The following ASPDH variants were observed in gnomAD, a reference collection of about 807,000 sequenced individuals.
The protein encoded by ASPDH is aspartate dehydrogenase domain containing.
A neutral mutation model predicts 30.5 loss-of-function variants in ASPDH; 25 were observed. The ratio of observed to expected loss-of-function variants is 0.82; its 90% confidence interval spans 0.60 to 1.14. The LOEUF (loss-of-function observed/expected upper bound fraction) is 1.14, where lower values mean the gene tolerates loss of function less well. ASPDH is among the 50% of genes most tolerant of loss of function. The pLI is 0.00. For synonymous variants in ASPDH, 168 were observed against 156.3 expected (o/e 1.07, Z -0.56); for missense variants, 401 against 381.5 (o/e 1.05, Z -0.43).
At chr19:50,511,804 CAG>C (rs1280807205) in intron 6 of ASPDH, 31 bp from the exon 7 acceptor site, 8 of 1,327,942 alleles carry the variant, frequency 6.0e-6, no homozygotes, top group Admixed American at 7.7e-5. Context: ...GCGAATGAGA[CAG>C]AGGAGAGATG....
At chr19:50,514,521 C>T, upstream of ASPDH, 1 of 1,614,158 alleles carries the variant, frequency 6.2e-7, no homozygotes, top group East Asian at 2.2e-5. Context: ...GTGCCACCAG[C>T]TGCCTCCAGT....
chr19:50,514,586 A>G, upstream of ASPDH: 1 of 1,611,928 alleles, frequency 6.2e-7, no homozygotes, highest in Non-Finnish European at 8.5e-7. Context: ...GCGTCAGCCC[A>G]GGAGAAGCCT....
In ASPDH at chr19:50,513,576, G is replaced by A. The variant is rs140723066; in HGVS notation, c.53-160C>T. Among the ~76,000 whole-genome samples, 30 of 151,928 alleles carry A rather than the reference G, an allele frequency of 2.0e-4. No individual in the cohort carries two copies. Among genetic ancestry groups the A allele is most frequent in the African/African-American group, 6.3e-4 (26 of 41,474 alleles). On this transcript the variant is annotated intron_variant, in intron 1 of 6. Transcript: ENST00000389208. The surrounding 1 kb of genome is among the most constrained non-coding windows in gnomAD (Gnocchi z 4.9). ...GATGGGGGCAGGGCAGAGACACAGT[G>A]GGGTGGACAGAGGCCCAGAGAGAAG...
chr19:50,513,516 GGGGACAGACTCAGATTGCGGGGTA>G lies in ASPDH; in HGVS notation c.53-124_53-101del, dbSNP rs1311229664. The G allele has an allele frequency of 1.6e-6, 2 of 1,265,966 alleles. No homozygotes were observed. The highest frequency in any genetic ancestry group is 3.0e-5 in the African/African-American group (2 of 65,824). 78.4% of individuals were successfully genotyped at this position (1,265,966 alleles called of 1,614,324 possible). Reference sequence around the variant, plus strand: ...ACAGAGACCCAGAGAGAGAGGAGGTGGGGACAGACTCAGATTGCGGGGTAGGGAGACAGAGATGGGGGCAGGGCA... The same window carrying G: ...ACAGAGACCCAGAGAGAGAGGAGGTGGGGAGACAGAGATGGGGGCAGGGCA... On this transcript the variant is annotated intron_variant, in intron 1 of 6. Transcript: ENST00000389208. The surrounding 1 kb of genome is among the most constrained non-coding windows in gnomAD (Gnocchi z 4.9).
At position 50,512,597 on chromosome 19, in the gene ASPDH, G is replaced by A. The variant is rs1222471441; in HGVS notation, c.433-17C>T. 7 of 1,516,268 alleles carry A rather than the reference G, an allele frequency of 4.6e-6. No homozygotes were observed. The highest frequency in any genetic ancestry group is 2.3e-5 in the East Asian group (1 of 43,528). The allele number at this position is 1,516,268 out of a possible 1,614,324, so 93.9% of individuals were successfully genotyped here. ...ACGAAGGCTCTGGAAGCAAGAGCCC[G>A]GGTTAGGGGGAGTGGGGTCTTTGCA... On this transcript the variant is annotated splice_polypyrimidine_tract_variant and intron_variant, in intron 4 of 6. Transcript: ENST00000389208.
chr19:50,513,112 G>T lies in ASPDH; in HGVS notation c.198-101C>A. Reference sequence around the variant, plus strand: ...ACTGAGGGCTGCCCTTCTTCTCCCTGACCTGGGAGGCGAAATGAGATGAAT... The same window carrying T: ...ACTGAGGGCTGCCCTTCTTCTCCCTTACCTGGGAGGCGAAATGAGATGAAT... On this transcript the variant is annotated intron_variant, in intron 2 of 6. Transcript: ENST00000389208. This position sits in a 1 kb window ranked among gnomAD's most constrained non-coding sequence, Gnocchi z 4.9. 7.7e-7 allele frequency: 1 copy of T among 1,298,508 alleles called. No individual in the cohort carries two copies. Among genetic ancestry groups the T allele is most frequent in the South Asian group, 1.4e-5 (1 of 70,140 alleles). 80.4% of individuals were successfully genotyped at this position (1,298,508 alleles called of 1,614,324 possible).
chr19:50,514,826 G>T, upstream of ASPDH: 1 of 1,287,128 alleles, frequency 7.8e-7, no homozygotes. Context: ...GGCACTGGGT[G>T]GCGAGAGCCC....
rs1304426163 is a variant in ASPDH, at chr19:50,513,825, G to T, written c.-2C>A. ...CCTCCACGGGCCCCTGTCGGCCATG[G>T]CCCTGAGTGCGGTGTCTGGGGCCTG... On this transcript the variant is annotated 5_prime_UTR_variant, in exon 1 of 7. Transcript: ENST00000389208. The surrounding 1 kb of genome is among the most constrained non-coding windows in gnomAD (Gnocchi z 4.9). 2.6e-6 allele frequency: 4 copies of T among 1,550,266 alleles called. No individual in the cohort carries two copies. Among genetic ancestry groups the T allele is most frequent in the Non-Finnish European group, 2.6e-6 (3 of 1,146,688 alleles).
At chr19:50,514,432 G>T, upstream of ASPDH, 1 of 1,612,900 alleles carries the variant, frequency 6.2e-7, no homozygotes, top group South Asian at 1.1e-5. Context: ...CACAGCCTCC[G>T]CCCCTGTCCA....
rs1167001609 is a variant in ASPDH, at chr19:50,512,779, G to A, written c.314C>T (p.Thr105Ile). 6.3e-7 allele frequency: 1 copy of A among 1,581,310 alleles called. No individual in the cohort carries two copies. Among genetic ancestry groups the A allele is most frequent in the East Asian group, 2.3e-5 (1 of 43,718 alleles). The change falls in exon 4 of 7, where the codon ACC (threonine) becomes ATC (isoleucine). Residue 105 changes from threonine to isoleucine, a missense_variant. Transcript: ENST00000389208. ...GGCCTCCAAGAGCTGCCGCTCTGTG[G>A]TCTGGTCACTTAGAGCTGAGGGGGA... ...VGSPSALSDQ[T>I]TERQLLEASQ...
rs953479517 is a variant in ASPDH, at chr19:50,511,867, G to A, written c.809-94C>T. The stretch of plus-strand genomic sequence containing the variant: ...GTGGTGGGAGGAGGGGACAGGGCAG[G>A]GGGGCGGTGGAGGAAGACCCGGAGA... On this transcript the variant is annotated intron_variant, in intron 6 of 6. Coordinates refer to ENST00000389208, the MANE Select transcript of ASPDH (RefSeq NM_001114598.2). 3.8e-5 allele frequency: 33 copies of A among 864,552 alleles called. 1 individual carries two copies. In the South Asian group the frequency reaches 7.2e-4, roughly 19 times the overall value. The allele number at this position is 864,552 out of a possible 1,614,324, so 53.6% of individuals were successfully genotyped here.
At position 50,513,845 on chromosome 19, in the gene ASPDH, G is replaced by T. The variant is rs576379216; in HGVS notation, c.-22C>A. On this transcript the variant is annotated 5_prime_UTR_variant, in exon 1 of 7. Coordinates refer to ENST00000389208, the MANE Select transcript of ASPDH (RefSeq NM_001114598.2). This position sits in a 1 kb window ranked among gnomAD's most constrained non-coding sequence, Gnocchi z 4.9. ...CCATGGCCCTGAGTGCGGTGTCTGG[G>T]GCCTGGCTCCCTGGGCTGCTCGCTG... is the stretch of plus-strand genomic sequence containing the variant. 1 of 1,548,546 alleles carries T rather than the reference G, an allele frequency of 6.5e-7. No individual in the cohort carries two copies. Among genetic ancestry groups the T allele is most frequent in the Admixed American group, 2.0e-5 (1 of 50,714 alleles).
At chr19:50,514,817 G>GGGGGGCGCC, upstream of ASPDH, 1 of 466,368 alleles carries the variant, frequency 2.1e-6, no homozygotes, top group Non-Finnish European at 3.3e-6. Flanking sequence ...GGGGGGGCGG[G>GGGGGGCGCC]CACTGGGTGG....
Position 50,513,177 on chromosome 19 carries a change from G to C in ASPDH, c.197+95C>G. ...TCACATTTGCTTGAACCAAGGCCCA[G>C]AGAGGGTCAGGGAACCCCTGAGATC... On this transcript the variant is annotated intron_variant, in intron 2 of 6. Coordinates refer to ENST00000389208, the MANE Select transcript of ASPDH (RefSeq NM_001114598.2). This position sits in a 1 kb window ranked among gnomAD's most constrained non-coding sequence, Gnocchi z 4.9. The C allele has an allele frequency of 9.7e-6, 13 of 1,333,784 alleles. No homozygotes were observed. The highest frequency in any genetic ancestry group is 4.4e-5 in the African/African-American group (3 of 67,492). The allele number at this position is 1,333,784 out of a possible 1,614,324, so 82.6% of individuals were successfully genotyped here. A position where few individuals can be genotyped will look rare whatever the true frequency, so the allele number is the denominator to read the frequency against.
chr19:50,512,360 C>T lies in ASPDH; in HGVS notation c.653G>A (p.Ser218Asn), dbSNP rs1364984998. 1 of 1,613,930 alleles carries T rather than the reference C, an allele frequency of 6.2e-7. No homozygotes were observed. The highest frequency in any genetic ancestry group is 8.5e-7 in the Non-Finnish European group (1 of 1,179,988). Residue 218 changes from serine (S) to asparagine (N), a missense_variant and splice_region_variant, in exon 5 of 7, where the codon AGC becomes AAC. Transcript: ENST00000389208. ...CAACACCCTGCTTAGCTCTGCTCAC[C>T]TGGTATCAGCCACGAGCACCCCAAT... ...GVIGVLVADTSLTDMHVVDVE... is the reference protein window; with the variant it reads ...GVIGVLVADTNLTDMHVVDVE...
At chr19:50,514,757 CGCTGGAAGGAG>C, upstream of ASPDH, 1 of 1,172,582 alleles carries the variant, frequency 8.5e-7, no homozygotes, top group Non-Finnish European at 1.1e-6. Flanking sequence ...CCAGGATTGG[CGCTGGAAGGAG>C]GCTGGAGAGA....
At chr19:50,514,817 G>GGGGGGGGGGGGGGGCC, upstream of ASPDH, 1 of 466,752 alleles carries the variant, frequency 2.1e-6, no homozygotes, top group Non-Finnish European at 3.3e-6. Context: ...GGGGGGGCGG[G>GGGGGGGGGGGGGGGCC]CACTGGGTGG....
At position 50,511,651 on chromosome 19, in the gene ASPDH, G is replaced by T; in HGVS notation, c.*79C>A. 1.1e-6 allele frequency: 1 copy of T among 877,478 alleles called. No homozygotes were observed. Among genetic ancestry groups the T allele is most frequent in the Non-Finnish European group, 1.6e-6 (1 of 636,236 alleles). 54.4% of individuals were successfully genotyped at this position (877,478 alleles called of 1,614,324 possible). ...ACTGAGTCAGAAGGGAGACCCTGGG[G>T]AAGTGGGGCAGGGCAGGGGTGGGAT... On this transcript the variant is annotated 3_prime_UTR_variant, in exon 7 of 7. Transcript: ENST00000389208.
rs1391647080 is a variant in ASPDH at position 50,512,132 on chromosome 19, G to A, written c.808+4C>T. On this transcript the variant is annotated splice_donor_region_variant and intron_variant, in intron 6 of 6. Transcript: ENST00000389208. ...AGGGCCGGGGGAGAGGGGCCTGGCC[G>A]CACCCAGGAGGCTCTGCCAGAAGGC... 6.5e-7 allele frequency: 1 copy of A among 1,542,170 alleles called. No individual in the cohort carries two copies.
Sources: allele counts gnomAD v4.1 joint callset (sites outside exome capture counted in the v4.1 genomes callset), GRCh38; gene constraint gnomAD v4.1.1; non-coding constraint Gnocchi (gnomAD v3.1); transcripts MANE v1.5; gene names NCBI Gene and HGNC (gene_info 2026-07-23, HGNC 2026-07-21).